CYFIP1: variants seen among roughly 807,000 people sequenced by gnomAD.
The protein encoded by CYFIP1 is cytoplasmic FMR1 interacting protein 1.
In CYFIP1, 58 loss-of-function variants were observed where a neutral mutation model predicts 163.5. The observed-to-expected ratio is 0.35, with a 90% confidence interval of 0.29 to 0.44. The LOEUF is 0.44. Ranked by LOEUF, CYFIP1 falls within the 20% of genes least tolerant of loss-of-function variation. The pLI is 1.00. For synonymous variants in CYFIP1, 663 were observed against 660.7 expected, an observed-to-expected ratio of 1.00 and a Z score of -0.05; for missense variants, 1,338 against 1,653.8, an observed-to-expected ratio of 0.81 and a Z score of 3.31.
At chr15:22,928,426 A>G (rs1473426906) in intron 11 of CYFIP1, among the ~76,000 whole-genome samples, 1 of 132,304 alleles carries the variant, frequency 7.6e-6, no homozygotes, top group Non-Finnish European at 1.6e-5. Flanking sequence ...TAAATAAATA[A>G]ATAAATAAAA....
chr15:22,945,359 G>A (rs931914651), intron 3 of CYFIP1, among the ~76,000 whole-genome samples: 3 of 152,194 alleles, frequency 2.0e-5, no homozygotes, highest in Admixed American at 2.0e-4. Context: ...GTCCCAGAGA[G>A]GACTAGAGGC....
At chr15:22,943,079 TCAG>T (rs1211127399) in intron 6 of CYFIP1, 91 bp downstream of exon 6, 6 of 1,255,048 alleles carry the variant, frequency 4.8e-6, no homozygotes, top group Non-Finnish European at 6.7e-6. Context: ...AGTGACGACT[TCAG>T]CAAACAAAGA....
chr15:22,940,707 G>A (rs923708926), intron 6 of CYFIP1, among the ~76,000 whole-genome samples: 4 of 152,202 alleles, frequency 2.6e-5, no homozygotes, highest in East Asian at 1.9e-4. Context: ...ACAGTTAAAC[G>A]TAATATTAAC....
At chr15:22,906,762 G>A (rs890521628) in intron 21 of CYFIP1, among the ~76,000 whole-genome samples, 2 of 152,172 alleles carry the variant, frequency 1.3e-5, no homozygotes, top group Middle Eastern at 6.3e-3. Flanking sequence ...ACAGCGCCCG[G>A]CCAGCAACTA....
At chr15:22,962,548 G>A (rs765110214) in intron 1 of CYFIP1, among the ~76,000 whole-genome samples, 59 of 151,876 alleles carry the variant, frequency 3.9e-4, no homozygotes, top group Non-Finnish European at 7.2e-4. Flanking sequence ...ACAGGTGTGC[G>A]CCACCATGCC....
At chr15:22,921,740 T>C (rs1595607285) in intron 13 of CYFIP1, among the ~76,000 whole-genome samples, 1 of 123,052 alleles carries the variant, frequency 8.1e-6, no homozygotes, top group African/African-American at 3.3e-5. Context: ...CACTCTAGCC[T>C]GGGCAACACG....
chr15:22,942,912 G>A (rs1567008245), intron 6 of CYFIP1, among the ~76,000 whole-genome samples: 1 of 152,184 alleles, frequency 6.6e-6, no homozygotes, highest in Admixed American at 6.5e-5. Context: ...GGGGCTCGAA[G>A]GTCCTCTGTG....
chr15:22,872,296 A>C (rs1469662163), intron 30 of CYFIP1, among the ~76,000 whole-genome samples: 1 of 145,424 alleles, frequency 6.9e-6, no homozygotes, highest in Non-Finnish European at 1.5e-5. Context: ...ACTGTCTCAA[A>C]AAAAAAAAAA....
intron 24 of CYFIP1, 134 bp from the exon 25 acceptor site, chr15:22,882,070 G>A: frequency 1.4e-6 from 1 of 727,002 alleles, no homozygotes; most frequent in Non-Finnish European, 2.3e-6. Context: ...TCGTCTGGCT[G>A]GGGAATAAAA....
intron 26 of CYFIP1, among the ~76,000 whole-genome samples, chr15:22,879,139 A>C (rs1219440580): frequency 7.3e-5 from 11 of 151,680 alleles, no homozygotes; most frequent in African/African-American, 2.2e-4. Context: ...CCGTCTCAAA[A>C]AAAAAAAAAA....
At chr15:22,879,263 G>C (rs950218588) in intron 26 of CYFIP1, among the ~76,000 whole-genome samples, 2 of 152,218 alleles carry the variant, frequency 1.3e-5, no homozygotes, top group Admixed American at 6.5e-5. Context: ...AGGCAGGAGA[G>C]GGCTACCTGA....
intron 11 of CYFIP1, among the ~76,000 whole-genome samples, chr15:22,930,811 A>T (rs1256931560): frequency 6.6e-6 from 1 of 152,182 alleles, no homozygotes; most frequent in Non-Finnish European, 1.5e-5. Context: ...TAAAGTAAAA[A>T]AGTTACAGTA....
At position 22,913,994 on chromosome 15, in the gene CYFIP1, C is replaced by A. The variant is rs146021773; in HGVS notation, c.1985+732G>T. ...AAGACAGACCGGCTGGGCGGCTCCC[C>A]AGTCGCTCACCATGAGACACACCCT... On this transcript the variant is annotated intron_variant, in intron 17 of 30. Coordinates refer to ENST00000617928, the MANE Select transcript of CYFIP1 (RefSeq NM_014608.6). Among the ~76,000 whole-genome samples, 1,083 of 152,324 alleles carry A rather than the reference C, an allele frequency of 7.1e-3. 20 individuals carry two copies. The highest frequency in any genetic ancestry group is 0.025 in the African/African-American group (1,042 of 41,560).
In CYFIP1 at chr15:22,916,464, CA is replaced by C; in HGVS notation, c.1828+12del. 6.3e-7 allele frequency: 1 copy of C among 1,576,624 alleles called. No individual in the cohort carries two copies. The highest frequency in any genetic ancestry group is 1.3e-5 in the African/African-American group (1 of 74,226). On this transcript the variant is annotated intron_variant, in intron 16 of 30. Transcript: ENST00000617928. ...ACATGCCAGGCCGGATGCTGCTCAG[CA>C]GTATCTCTTACCACTGAAATTTATC...
rs2061346741 is a variant in CYFIP1, at chr15:22,926,021, G to A, written c.1320C>T (p.Arg440=). 1.2e-6 allele frequency: 2 copies of A among 1,613,974 alleles called. No homozygotes were observed. Among genetic ancestry groups the A allele is most frequent in the Non-Finnish European group, 1.7e-6 (2 of 1,179,994 alleles). The part of the protein sequence containing the change: ...DSAEEYERAT[R]YNYTSEEKFA... The stretch of plus-strand genomic sequence containing the variant: ...ACTTCTCCTCGCTGGTGTAGTTGTA[G>A]CGCGTGGCACGCTCGTACTCTTCAG... Residue 440 remains arginine (R), a synonymous_variant, in exon 13 of 31, where the codon CGC becomes CGT. Transcript: ENST00000617928.
intron 1 of CYFIP1, 126 bp from the exon 2 acceptor site, chr15:22,947,417 A>G: frequency 7.4e-7 from 1 of 1,347,806 alleles, no homozygotes; most frequent in Non-Finnish European, 1.0e-6. Context: ...CATGGCTGAC[A>G]GGGGCATGAT....
intron 3 of CYFIP1, 129 bp downstream of exon 3, chr15:22,946,874 G>A (rs2062080865): frequency 2.5e-6 from 2 of 800,100 alleles, no homozygotes; most frequent in Non-Finnish European, 2.2e-6. Flanking sequence ...AAAAATATAA[G>A]GCATTTCATT....
intron 1 of CYFIP1, among the ~76,000 whole-genome samples, chr15:22,978,334 A>T (rs1308178572): frequency 7.6e-6 from 1 of 130,890 alleles, no homozygotes; most frequent in East Asian, 2.4e-4. Context: ...TCTGGGCCAC[A>T]GAGTTAAGAC....
In CYFIP1 at chr15:22,917,069, C is replaced by T. The variant is rs1226154152; in HGVS notation, c.1675-439G>A. ...ACAGGAGGGAGAGGCAGGAGAGAGACGTTAGTCACTCGACACACACACCCC... is the reference window on the plus strand; with the variant it reads ...ACAGGAGGGAGAGGCAGGAGAGAGATGTTAGTCACTCGACACACACACCCC... On this transcript the variant is annotated intron_variant, in intron 15 of 30. Coordinates refer to ENST00000617928, the MANE Select transcript of CYFIP1 (RefSeq NM_014608.6). The surrounding 1 kb of genome is among the most constrained non-coding windows in gnomAD (Gnocchi z 4.2). 9.4e-6 allele frequency: 14 copies of T among 1,496,782 alleles called. No homozygotes were observed. The South Asian group carries it at 1.5e-4, about 16-fold the overall frequency. The allele number at this position is 1,496,782 out of a possible 1,614,324, so 92.7% of individuals were successfully genotyped here.
Sources: allele counts gnomAD v4.1 joint callset (sites outside exome capture counted in the v4.1 genomes callset), GRCh38; gene constraint gnomAD v4.1.1; non-coding constraint Gnocchi (gnomAD v3.1); transcripts MANE v1.5; gene names NCBI Gene and HGNC (gene_info 2026-07-23, HGNC 2026-07-21).